Variants in MAP4K4 observed in about 807,000 individuals in gnomAD.
The protein encoded by MAP4K4 is HPK/GCK-like kinase HGK.
Under a neutral mutation model 189.6 loss-of-function variants are expected in MAP4K4, and 38 were observed. The ratio of observed to expected loss-of-function variants is 0.20; its 90% CI spans 0.15 to 0.26. The LOEUF is 0.26. Among genes scored for constraint, MAP4K4 ranks in the 10% least tolerant of loss-of-function variants. MAP4K4 has a pLI of 1.00. For synonymous variants in MAP4K4, 610 were observed against 624.3 expected, an observed-to-expected ratio of 0.98 and a Z score of 0.34; for missense variants, 1,054 against 1,726.9, an observed-to-expected ratio of 0.61 and a Z score of 6.91.
At chr2:101,836,667 T>G (rs2149488430) in intron 9 of MAP4K4, among the ~76,000 whole-genome samples, 1 of 152,300 alleles carries the variant, frequency 6.6e-6, no homozygotes, top group East Asian at 1.9e-4. Context: ...TAATGGAGGC[T>G]TTTACTGTAA....
At chr2:101,844,306 G>C in exon 12 of MAP4K4, 1 of 1,556,012 alleles carries the variant, frequency 6.4e-7, no homozygotes, top group Non-Finnish European at 8.7e-7. Context: ...GCGACGGCTA[G>C]AAGAGGTAGC....
chr2:101,795,420 G>T (rs1480818733), intron 3 of MAP4K4, among the ~76,000 whole-genome samples: 1 of 152,188 alleles, frequency 6.6e-6, no homozygotes, highest in African/African-American at 2.4e-5. Flanking sequence ...CTGTGGACAT[G>T]AGTGGTTTCC....
chr2:101,832,548 G>A (rs1353315595), intron 7 of MAP4K4, among the ~76,000 whole-genome samples: 1 of 152,146 alleles, frequency 6.6e-6, no homozygotes, highest in East Asian at 1.9e-4. Flanking sequence ...AGTGCAGAAT[G>A]TTTTATTTTT....
chr2:101,725,710 C>T (rs1353158647), intron 2 of MAP4K4, among the ~76,000 whole-genome samples: 1 of 152,180 alleles, frequency 6.6e-6, no homozygotes, highest in Non-Finnish European at 1.5e-5. Flanking sequence ...TGCCCTGTGC[C>T]ACAGTCAGCA....
intron 2 of MAP4K4, among the ~76,000 whole-genome samples, chr2:101,753,936 C>T (rs1284075678): frequency 6.6e-6 from 1 of 152,100 alleles, no homozygotes; most frequent in Non-Finnish European, 1.5e-5. Context: ...GGCCCTTGTC[C>T]AGAAGGGTGG....
chr2:101,771,631 C>A (rs894569396), intron 2 of MAP4K4, among the ~76,000 whole-genome samples: 1 of 152,094 alleles, frequency 6.6e-6, no homozygotes, highest in East Asian at 1.9e-4. Flanking sequence ...TTTGTTAAAT[C>A]CACTCTATTC....
exon 33 of MAP4K4, chr2:101,892,040 C>T (rs1390982767): frequency 1.9e-5 from 2 of 107,760 alleles, no homozygotes; most frequent in African/African-American, 3.6e-5. Context: ...AAAAAGAAAA[C>T]GTGTGCATTT....
rs1043003715 is a variant in MAP4K4, at chr2:101,887,536, A to G, written c.3772-242A>G. ...ATCCCTGGGTTGGGAGTGGTTCTCA[A>G]TTGGAGCCCAGCATCCAATGTTTCA... is the stretch of plus-strand genomic sequence containing the variant. On this transcript the variant is annotated intron_variant, in intron 30 of 32. Coordinates refer to ENST00000324219, the Ensembl canonical transcript of MAP4K4. Among the ~76,000 whole-genome samples, 19 of 152,310 alleles carry G rather than the reference A, an allele frequency of 1.2e-4. No homozygotes were observed. The South Asian group carries it at 2.7e-3, about 22-fold the overall frequency.
chr2:101,708,963 T>C (rs2043932295), intron 2 of MAP4K4, among the ~76,000 whole-genome samples: 1 of 152,210 alleles, frequency 6.6e-6, no homozygotes. Context: ...TTGTACCACA[T>C]TTGTTACCTG....
At chr2:101,840,365 C>A (rs1476513960) in intron 10 of MAP4K4, among the ~76,000 whole-genome samples, 1 of 152,146 alleles carries the variant, frequency 6.6e-6, no homozygotes, top group Non-Finnish European at 1.5e-5. Context: ...CTGTATAATT[C>A]TCCTGCCCAA....
chr2:101,697,973 G>C (rs2035202028), exon 1 of MAP4K4: 1 of 664,970 alleles, frequency 1.5e-6, no homozygotes, highest in South Asian at 2.4e-5. Context: ...TACCGGGCCG[G>C]CTCGGCTGCC....
intron 2 of MAP4K4, among the ~76,000 whole-genome samples, chr2:101,758,334 C>T (rs920112970): frequency 4.6e-5 from 7 of 152,162 alleles, no homozygotes; most frequent in South Asian, 2.1e-4. Flanking sequence ...AAGGACACAT[C>T]GTGAGCGTTG....
intron 2 of MAP4K4, among the ~76,000 whole-genome samples, chr2:101,788,325 A>G (rs1336798329): frequency 6.6e-6 from 1 of 152,202 alleles, no homozygotes; most frequent in Non-Finnish European, 1.5e-5. Flanking sequence ...GGTCAGGGCT[A>G]GGGCCTTATA....
At chr2:101,756,386 G>A (rs1192982162) in intron 2 of MAP4K4, among the ~76,000 whole-genome samples, 1 of 152,130 alleles carries the variant, frequency 6.6e-6, no homozygotes, top group Non-Finnish European at 1.5e-5. Context: ...ACTCCAGCCC[G>A]TTTCCTATTT....
chr2:101,718,197 G>C (rs1032996844), intron 2 of MAP4K4, among the ~76,000 whole-genome samples: 40 of 151,538 alleles, frequency 2.6e-4, no homozygotes, highest in Non-Finnish European at 7.4e-5. Context: ...CAGAGGTTGC[G>C]GTGAGCCAAG....
At chr2:101,749,974 C>T (rs1324559099) in intron 2 of MAP4K4, among the ~76,000 whole-genome samples, 6 of 138,120 alleles carry the variant, frequency 4.3e-5, no homozygotes, top group African/African-American at 1.9e-4. Flanking sequence ...CATCTCACAC[C>T]AGTTAGAATG....
At chr2:101,745,972 TTGTGTGTGTGTG>T (rs5832985) in intron 2 of MAP4K4, among the ~76,000 whole-genome samples, 27 of 146,600 alleles carry the variant, frequency 1.8e-4, no homozygotes, top group Middle Eastern at 3.5e-3. Flanking sequence ...CCTGTTTCCT[TTGTGTGTGTGTG>T]TGTGTGTGTG....
At chr2:101,796,579 G>A (rs953495856) in intron 3 of MAP4K4, among the ~76,000 whole-genome samples, 2 of 152,188 alleles carry the variant, frequency 1.3e-5, no homozygotes, top group African/African-American at 2.4e-5. Flanking sequence ...AAGTAAGCTC[G>A]TTGAGTGAGC....
At chr2:101,802,806 A>G (rs1220030972) in intron 3 of MAP4K4, among the ~76,000 whole-genome samples, 5 of 150,570 alleles carry the variant, frequency 3.3e-5, no homozygotes, top group Admixed American at 2.0e-4. Flanking sequence ...TTTTTTTGAG[A>G]TGGAGTTTTG....
Sources: allele counts gnomAD v4.1 joint callset (sites outside exome capture counted in the v4.1 genomes callset), GRCh38; gene constraint gnomAD v4.1.1; transcripts MANE v1.5; gene names NCBI Gene and HGNC (gene_info 2026-07-23, HGNC 2026-07-21).